Variants in ADGRB3 observed in about 807,000 individuals in gnomAD.
The protein encoded by ADGRB3 is adhesion G protein-coupled receptor B3.
A neutral mutation model predicts 193.4 loss-of-function variants in ADGRB3; 37 were observed. That is an observed-to-expected ratio of 0.19 (90% CI 0.15 to 0.25). The LOEUF is 0.25. Among genes scored for constraint, ADGRB3 ranks in the 10% least tolerant of loss-of-function variants. The pLI, the probability that ADGRB3 is intolerant of heterozygous loss-of-function variation, is 1.00. For missense variants in ADGRB3, 1,637 were observed against 1,852.9 expected (o/e 0.88, Z 2.14); for synonymous variants, 690 against 644.2 (o/e 1.07, Z -1.08).
At chr6:68,906,106 T>A (rs1467249769) in intron 3 of ADGRB3, among the ~76,000 whole-genome samples, 1 of 151,962 alleles carries the variant, frequency 6.6e-6, no homozygotes, top group Non-Finnish European at 1.5e-5. Context: ...TTCTTTTCAC[T>A]GTCTTTATAA....
chr6:68,998,271 T>TA (rs1358838531), intron 11 of ADGRB3, among the ~76,000 whole-genome samples: 11 of 152,194 alleles, frequency 7.2e-5, no homozygotes, highest in Non-Finnish European at 1.3e-4. Context: ...TGTCCTCTTT[T>TA]ACTAAGAGCA....
chr6:69,239,406 C>A (rs539681558), intron 20 of ADGRB3, among the ~76,000 whole-genome samples, 180 bp downstream of exon 20: 1 of 151,876 alleles, frequency 6.6e-6, no homozygotes, highest in Non-Finnish European at 1.5e-5. Flanking sequence ...AGAATGTATA[C>A]CCTTGATTTA....
At chr6:69,344,379 C>T (rs995001222) in intron 26 of ADGRB3, among the ~76,000 whole-genome samples, 1 of 152,140 alleles carries the variant, frequency 6.6e-6, no homozygotes, top group Admixed American at 6.6e-5. Context: ...ACTTTTCTTT[C>T]TTCCCTCTCC....
chr6:68,755,954 G>A (rs533779666), intron 3 of ADGRB3, among the ~76,000 whole-genome samples: 1 of 152,126 alleles, frequency 6.6e-6, no homozygotes, highest in Non-Finnish European at 1.5e-5. Context: ...TCCAAAATAA[G>A]CATATTTAAG....
At chr6:69,336,977 G>A (rs1198763759) in intron 24 of ADGRB3, among the ~76,000 whole-genome samples, 2 of 152,068 alleles carry the variant, frequency 1.3e-5, no homozygotes, top group African/African-American at 4.8e-5. Context: ...TTAACAGTTA[G>A]CCCTGACTAA....
chr6:69,347,702 T>C (rs1325665344), intron 26 of ADGRB3, among the ~76,000 whole-genome samples: 1 of 152,054 alleles, frequency 6.6e-6, no homozygotes, highest in Non-Finnish European at 1.5e-5. Flanking sequence ...GTAGGGTTGT[T>C]TGAGCTCAGG....
chr6:68,693,472 G>A (rs1765111129), intron 3 of ADGRB3, among the ~76,000 whole-genome samples: 1 of 151,936 alleles, frequency 6.6e-6, no homozygotes, highest in African/African-American at 2.4e-5. Flanking sequence ...TGATGACTCA[G>A]CTCCATAGAA....
At chr6:69,077,557 A>T (rs1772268121) in intron 17 of ADGRB3, among the ~76,000 whole-genome samples, 1 of 151,918 alleles carries the variant, frequency 6.6e-6, no homozygotes, top group South Asian at 2.1e-4. Flanking sequence ...GCAACAAGAG[A>T]TAGTTCCTTA....
In ADGRB3 at chr6:69,035,754, G is replaced by A. The variant is rs903506389; in HGVS notation, c.2108-12431G>A. Among the ~76,000 whole-genome samples, 3 of 152,122 alleles carry A rather than the reference G, an allele frequency of 2.0e-5. No individual in the cohort carries two copies. The East Asian group carries it at 5.8e-4, about 29-fold the overall frequency. On this transcript the variant is annotated intron_variant, in intron 13 of 31. Coordinates refer to ENST00000370598, the MANE Select transcript of ADGRB3 (RefSeq NM_001704.3). ...TGATGGCCTAATGTGTGACAGTCAA[G>A]GTGGGCATGAGAAGACAACTTTAAG...
chr6:69,127,241 G>A (rs748241686), intron 17 of ADGRB3, among the ~76,000 whole-genome samples: 1 of 152,192 alleles, frequency 6.6e-6, no homozygotes, highest in Non-Finnish European at 1.5e-5. Flanking sequence ...TAGCCCTGAA[G>A]TGGCATTAAA....
chr6:69,064,161 T>C (rs1771830979), intron 16 of ADGRB3, among the ~76,000 whole-genome samples: 1 of 151,996 alleles, frequency 6.6e-6, no homozygotes, highest in East Asian at 1.9e-4. Flanking sequence ...AAAATGATAA[T>C]CACCTTTTCT....
At chr6:69,348,230 G>C (rs1769148478) in intron 26 of ADGRB3, among the ~76,000 whole-genome samples, 1 of 152,124 alleles carries the variant, frequency 6.6e-6, no homozygotes, top group Non-Finnish European at 1.5e-5. Flanking sequence ...GACAAACTCT[G>C]TCATGCCTGC....
At chr6:68,872,554 T>C (rs768267476) in intron 3 of ADGRB3, among the ~76,000 whole-genome samples, 5 of 152,144 alleles carry the variant, frequency 3.3e-5, no homozygotes, top group African/African-American at 4.8e-5. Flanking sequence ...AATAGTGTTA[T>C]TAAATTCTCC....
At chr6:68,855,052 G>A (rs1353129338) in intron 3 of ADGRB3, among the ~76,000 whole-genome samples, 3 of 152,168 alleles carry the variant, frequency 2.0e-5, no homozygotes, top group Non-Finnish European at 4.4e-5. Flanking sequence ...TATCAGGAAG[G>A]AACCTGCATC....
intron 20 of ADGRB3, among the ~76,000 whole-genome samples, chr6:69,249,893 A>T (rs945211619): frequency 2.6e-5 from 4 of 152,242 alleles, no homozygotes; most frequent in African/African-American, 9.6e-5. Flanking sequence ...TTGACTATGA[A>T]ATTTAAGATG....
At chr6:69,074,604 G>A (rs1173775077) in intron 16 of ADGRB3, among the ~76,000 whole-genome samples, 1 of 149,750 alleles carries the variant, frequency 6.7e-6, no homozygotes, top group African/African-American at 2.5e-5. Context: ...GCAGTGGCAC[G>A]ATCTCGGCTC....
chr6:68,825,428 A>G (rs1324981525), intron 3 of ADGRB3, among the ~76,000 whole-genome samples: 2 of 152,136 alleles, frequency 1.3e-5, no homozygotes, highest in East Asian at 1.9e-4. Flanking sequence ...ATTTTCATTT[A>G]TCTATATAAG....
At chr6:69,087,618 A>C (rs1344605310) in intron 17 of ADGRB3, among the ~76,000 whole-genome samples, 1 of 152,162 alleles carries the variant, frequency 6.6e-6, no homozygotes. Context: ...ACCATCCAAT[A>C]AATTTCTGTT....
intron 17 of ADGRB3, among the ~76,000 whole-genome samples, chr6:69,158,029 T>C (rs1774891546): frequency 6.6e-6 from 1 of 152,114 alleles, no homozygotes; most frequent in Non-Finnish European, 1.5e-5. Flanking sequence ...CTCTCTCCTG[T>C]CATTCATTTT....
Sources: gnomAD v4.1 joint callset for allele counts (sites outside exome capture counted in the v4.1 genomes callset) on GRCh38, gnomAD v4.1.1 for gene constraint, MANE v1.5 for transcripts, NCBI Gene and HGNC (gene_info 2026-07-23, HGNC 2026-07-21) for gene names.